Variants in TMEM135 observed in about 807,000 individuals in gnomAD.
TMEM135 encodes the protein transmembrane protein 135.
TMEM135 carries 30 observed loss-of-function variants against 60.3 expected under a neutral mutation model. The ratio of observed to expected loss-of-function variants is 0.50; its 90% CI spans 0.37 to 0.68. The LOEUF (loss-of-function observed/expected upper bound fraction) is 0.68. Ranked by LOEUF, TMEM135 falls within the 30% of genes least tolerant of loss-of-function variation. The pLI, the probability that TMEM135 is intolerant of heterozygous loss-of-function variation, is 0.00. For synonymous variants in TMEM135, 190 were observed against 186.7 expected (o/e 1.02, Z -0.14); for missense variants, 468 against 548.8 (o/e 0.85, Z 1.47).
intron 4 of TMEM135, among the ~76,000 whole-genome samples, chr11:87,152,916 C>T (rs948787498): frequency 3.9e-5 from 6 of 152,126 alleles, no homozygotes; most frequent in Non-Finnish European, 8.8e-5. Context: ...ATAGTTCTTA[C>T]CTATACTCTG....
rs1177116911 is a variant in TMEM135, at chr11:87,309,528, G to C, written c.792G>C (p.Val264=). ...AGGGTTTCATCAGAATGTTTAGCGT[G>C]GGGTACTTGATCCAGTGCTGCCTCC... ...CIKGFIRMFS[V]GYLIQCCLRI... is the part of the protein sequence containing the mutation. Residue 264 remains valine, a synonymous_variant, in exon 10 of 15, where the codon GTG becomes GTC. Transcript: ENST00000305494. The C allele has an allele frequency of 5.6e-6, 9 of 1,613,766 alleles. No individual in the cohort carries two copies. Among genetic ancestry groups the C allele is most frequent in the Non-Finnish European group, 7.6e-6 (9 of 1,179,760 alleles).
chr11:87,301,071 C>G (rs1271128964), intron 7 of TMEM135, among the ~76,000 whole-genome samples: 1 of 152,196 alleles, frequency 6.6e-6, no homozygotes, highest in Non-Finnish European at 1.5e-5. Flanking sequence ...GAACTGACAG[C>G]TACCAAAGAT....
chr11:87,221,427 A>T (rs1303932553), intron 5 of TMEM135, among the ~76,000 whole-genome samples: 1 of 152,218 alleles, frequency 6.6e-6, no homozygotes, highest in African/African-American at 2.4e-5. Context: ...CTAAATATTG[A>T]CACCATCGTT....
At chr11:87,311,684 A>G (rs902967363) in intron 10 of TMEM135, among the ~76,000 whole-genome samples, 12 of 152,046 alleles carry the variant, frequency 7.9e-5, no homozygotes, top group Non-Finnish European at 1.3e-4. Context: ...ATCTCAGGAA[A>G]TATTCACGTG....
chr11:87,256,258 A>G (rs1161894432), intron 6 of TMEM135, among the ~76,000 whole-genome samples: 1 of 152,182 alleles, frequency 6.6e-6, no homozygotes, highest in African/African-American at 2.4e-5. Flanking sequence ...ATACCTTTAT[A>G]CCTCAGTTTT....
chr11:87,072,724 T>C (rs533039004), intron 3 of TMEM135, among the ~76,000 whole-genome samples: 2 of 152,280 alleles, frequency 1.3e-5, no homozygotes, highest in South Asian at 4.1e-4. Flanking sequence ...AATTTTTTAT[T>C]GTTATCAGCC....
chr11:87,183,696 C>T (rs1262925315), intron 5 of TMEM135, among the ~76,000 whole-genome samples: 1 of 151,926 alleles, frequency 6.6e-6, no homozygotes, highest in East Asian at 1.9e-4. Flanking sequence ...TGGCTCACGC[C>T]TGTAATCCCA....
At chr11:87,155,064 T>C (rs1333868855) in intron 4 of TMEM135, among the ~76,000 whole-genome samples, 1 of 114,120 alleles carries the variant, frequency 8.8e-6, no homozygotes, top group Non-Finnish European at 1.9e-5. Flanking sequence ...AGTGGTGCGA[T>C]CTTGGCTCAC....
chr11:87,045,755 CT>C (rs1293436747), intron 1 of TMEM135, among the ~76,000 whole-genome samples: 2 of 152,134 alleles, frequency 1.3e-5, no homozygotes, highest in Non-Finnish European at 1.5e-5. Context: ...CTCTTAAAAA[CT>C]TTCTTTTCAT....
At chr11:87,259,255 C>T (rs1351624814) in intron 6 of TMEM135, 10 of 424,984 alleles carry the variant, frequency 2.4e-5, no homozygotes, top group East Asian at 2.0e-4. Flanking sequence ...CCTGCGACAG[C>T]GGCCATGGCT....
rs1942897121 is a variant in TMEM135, at chr11:87,325,380, A to G, written c.*4047A>G. 2.2e-6 allele frequency: 1 copy of G among 453,956 alleles called. No homozygotes were observed. The highest frequency in any genetic ancestry group is 1.6e-5 in the South Asian group (1 of 64,480). The allele number at this position is 453,956 out of a possible 1,614,324, so 28.1% of individuals were successfully genotyped here. On this transcript the variant is annotated 3_prime_UTR_variant, in exon 15 of 15. Transcript: ENST00000305494. The stretch of plus-strand genomic sequence containing the variant: ...TGGCCTTAAGCTTACAGCTGTGGTG[A>G]ATAAGAATGTGTGCTATTTTACACA...
intron 5 of TMEM135, 60 bp downstream of exon 5, chr11:87,157,466 TATAAA>T: frequency 7.2e-7 from 1 of 1,394,812 alleles, no homozygotes. Context: ...GATTTTAAAA[TATAAA>T]ATGTGATGAA....
intron 1 of TMEM135, among the ~76,000 whole-genome samples, chr11:87,053,674 A>G (rs546888553): frequency 6.6e-6 from 1 of 152,328 alleles, no homozygotes; most frequent in African/African-American, 2.4e-5. Context: ...TAAACTGGGC[A>G]CATAGAATGC....
At chr11:87,069,284 C>CAAAAAAAAAAAA (rs778885228) in intron 2 of TMEM135, among the ~76,000 whole-genome samples, 3 of 62,526 alleles carry the variant, frequency 4.8e-5, no homozygotes, top group Admixed American at 2.0e-4. Flanking sequence ...GACTCCGTCT[C>CAAAAAAAAAAAA]AAAAAAAAAA....
At chr11:87,122,437 A>T (rs376963204) in intron 4 of TMEM135, among the ~76,000 whole-genome samples, 5 of 144,946 alleles carry the variant, frequency 3.4e-5, no homozygotes, top group South Asian at 2.2e-4. Flanking sequence ...TTTAGTTTTT[A>T]TATTTATTTA....
At chr11:87,305,635 G>A (rs542962793) in intron 8 of TMEM135, among the ~76,000 whole-genome samples, 7 of 152,102 alleles carry the variant, frequency 4.6e-5, no homozygotes, top group Middle Eastern at 3.4e-3. Flanking sequence ...TTAGCTGGGC[G>A]TGGTGGCAGG....
At chr11:87,321,078 T>C in intron 14 of TMEM135, 123 bp from the exon 15 acceptor site, 2 of 812,592 alleles carry the variant, frequency 2.5e-6, no homozygotes, top group Non-Finnish European at 3.8e-6. Flanking sequence ...CCATTGAATT[T>C]AGATCCTTTG....
chr11:87,193,759 CTTATATATTATA>C (rs1939870154), intron 5 of TMEM135, among the ~76,000 whole-genome samples: 1 of 142,536 alleles, frequency 7.0e-6, no homozygotes, highest in African/African-American at 2.5e-5. Context: ...CATATATATT[CTTATATATTATA>C]TTATATATTA....
intron 5 of TMEM135, among the ~76,000 whole-genome samples, chr11:87,217,524 G>A (rs1428706866): frequency 1.3e-5 from 2 of 152,168 alleles, no homozygotes; most frequent in African/African-American, 4.8e-5. Context: ...GGTGGCTCCT[G>A]CCTGTAATCT....
Sources: gnomAD v4.1 joint callset for allele counts (sites outside exome capture counted in the v4.1 genomes callset) on GRCh38, gnomAD v4.1.1 for gene constraint, MANE v1.5 for transcripts, NCBI Gene and HGNC (gene_info 2026-07-23, HGNC 2026-07-21) for gene names.